Variants in TSPAN12 observed in about 807,000 individuals in gnomAD.
TSPAN12 encodes tetraspanin-12.
A neutral mutation model predicts 39.2 loss-of-function variants in TSPAN12; 19 were observed. That is an observed-to-expected ratio of 0.49 (90% CI 0.34 to 0.71). The LOEUF (loss-of-function observed/expected upper bound fraction) is 0.71. TSPAN12 is among the 30% of genes least tolerant of loss of function. TSPAN12 has a pLI of 0.01. For synonymous variants in TSPAN12, 119 were observed against 124.8 expected, an observed-to-expected ratio of 0.95 and a Z score of 0.31; for missense variants, 314 against 359.9, an observed-to-expected ratio of 0.87 and a Z score of 1.03.
intron 4 of TSPAN12, among the ~76,000 whole-genome samples, chr7:120,820,455 C>T (rs537794883): frequency 2.6e-5 from 4 of 152,216 alleles, no homozygotes; most frequent in African/African-American, 9.6e-5. Context: ...CCTCTCTTTC[C>T]GTACATAGCC....
intron 4 of TSPAN12, among the ~76,000 whole-genome samples, chr7:120,832,785 GA>G (rs906112476): frequency 3.3e-5 from 5 of 152,116 alleles, no homozygotes; most frequent in Admixed American, 3.3e-4. Flanking sequence ...AAGGAAAGGA[GA>G]AACTGCTTGA....
At chr7:120,856,231 A>G (rs1037522170) in intron 2 of TSPAN12, among the ~76,000 whole-genome samples, 1 of 152,182 alleles carries the variant, frequency 6.6e-6, no homozygotes, top group Non-Finnish European at 1.5e-5. Context: ...GTGATAGGTT[A>G]TCTGGGTGTG....
intron 4 of TSPAN12, among the ~76,000 whole-genome samples, chr7:120,834,743 GC>G (rs1794446570): frequency 6.6e-6 from 1 of 152,104 alleles, no homozygotes; most frequent in Non-Finnish European, 1.5e-5. Context: ...AATGTATTCT[GC>G]TTGTTTAAAT....
At chr7:120,798,211 C>T (rs1793669569) in intron 7 of TSPAN12, among the ~76,000 whole-genome samples, 1 of 152,080 alleles carries the variant, frequency 6.6e-6, no homozygotes, top group African/African-American at 2.4e-5. Flanking sequence ...AGTTCAAGTC[C>T]TGATTCGATC....
At chr7:120,810,777 A>G (rs897917338) in intron 5 of TSPAN12, among the ~76,000 whole-genome samples, 2 of 152,202 alleles carry the variant, frequency 1.3e-5, no homozygotes, top group African/African-American at 2.4e-5. Context: ...CAATGTATAG[A>G]TTTTTGTGAT....
intron 5 of TSPAN12, among the ~76,000 whole-genome samples, chr7:120,812,957 T>C (rs899334680): frequency 3.9e-5 from 6 of 152,198 alleles, no homozygotes; most frequent in Non-Finnish European, 8.8e-5. Flanking sequence ...ATATATCAAT[T>C]TTTTTAAACT....
chr7:120,804,366 A>C (rs1348287092), intron 7 of TSPAN12, among the ~76,000 whole-genome samples: 1 of 152,150 alleles, frequency 6.6e-6, no homozygotes, highest in Non-Finnish European at 1.5e-5. Flanking sequence ...GATGATTCCT[A>C]CTACAGACAC....
At chr7:120,828,655 CTTTTTTTTTT>C (rs752697203) in intron 4 of TSPAN12, among the ~76,000 whole-genome samples, 4 of 125,482 alleles carry the variant, frequency 3.2e-5, no homozygotes, top group East Asian at 5.1e-4. Context: ...TTTCTTTCTC[CTTTTTTTTTT>C]TTTTTTTTTT....
rs964167833 is a variant in TSPAN12 at position 120,838,970 on chromosome 7, A to G, written c.150-58T>C. On this transcript the variant is annotated intron_variant, in intron 3 of 7. Transcript: ENST00000222747. ...AATATAATCAAAATGCACCCAAGAC[A>G]TAGCAGAAGACACAACTGTGATTTG... 9.1e-5 allele frequency: 141 copies of G among 1,550,272 alleles called. 2 individuals are homozygous for G. The Middle Eastern group carries it at 4.4e-3, about 48-fold the overall frequency.
intron 2 of TSPAN12, among the ~76,000 whole-genome samples, chr7:120,855,527 T>C (rs1794854752): frequency 6.6e-6 from 1 of 152,194 alleles, no homozygotes; most frequent in Non-Finnish European, 1.5e-5. Flanking sequence ...AATCAAGCTT[T>C]TAAGAAGTAT....
At chr7:120,810,089 T>C (rs1040007601) in intron 6 of TSPAN12, among the ~76,000 whole-genome samples, 1 of 152,138 alleles carries the variant, frequency 6.6e-6, no homozygotes, top group Non-Finnish European at 1.5e-5. Context: ...TCATTTTTTT[T>C]AAAACTAAAA....
chr7:120,853,333 C>G (rs1282578669), intron 2 of TSPAN12, among the ~76,000 whole-genome samples: 1 of 151,614 alleles, frequency 6.6e-6, no homozygotes, highest in Non-Finnish European at 1.5e-5. Flanking sequence ...ACCTCATTAA[C>G]CACCTGCCTT....
chr7:120,838,648 C>T (rs1430417025), intron 4 of TSPAN12, 129 bp downstream of exon 4: 10 of 948,414 alleles, frequency 1.1e-5, no homozygotes, highest in Admixed American at 4.3e-5. Context: ...TCTTGTGAAA[C>T]GAAAGCGTCC....
chr7:120,841,880 T>C (rs1176015901), intron 2 of TSPAN12, among the ~76,000 whole-genome samples: 2 of 152,290 alleles, frequency 1.3e-5, no homozygotes, highest in Non-Finnish European at 2.9e-5. Context: ...GGTACATGTT[T>C]TAAATTTTTT....
chr7:120,818,225 T>C (rs1279035870), intron 4 of TSPAN12, among the ~76,000 whole-genome samples: 2 of 152,092 alleles, frequency 1.3e-5, no homozygotes, highest in Non-Finnish European at 1.5e-5. Context: ...GACGTTATGA[T>C]GTGCCAAGAA....
chr7:120,808,008 GACTTC>G lies in TSPAN12; in HGVS notation c.469-1321_469-1317del, dbSNP rs112702737. Among the ~76,000 whole-genome samples the G allele has an allele frequency of 1.5e-3, 222 of 152,070 alleles. 1 individual carries two copies. Among genetic ancestry groups the G allele is most frequent in the African/African-American group, 5.2e-3 (214 of 41,520 alleles). ...CCTTAAATAATATATGTAGTATAAA[GACTTC>G]ACTTCATAAAAATCATAAACAAGGA... is the stretch of plus-strand genomic sequence containing the variant. On this transcript the variant is annotated intron_variant, in intron 6 of 7. Transcript: ENST00000222747.
intron 2 of TSPAN12, among the ~76,000 whole-genome samples, chr7:120,845,200 T>C (rs1480139437): frequency 6.6e-6 from 1 of 152,144 alleles, no homozygotes; most frequent in Non-Finnish European, 1.5e-5. Context: ...AGCAGGGCCC[T>C]GGGCCCAGTC....
At chr7:120,806,833 T>C in intron 6 of TSPAN12, 141 bp from the exon 7 acceptor site, 2 of 1,062,542 alleles carry the variant, frequency 1.9e-6, no homozygotes, top group South Asian at 1.4e-5. Flanking sequence ...CAGTCTATGT[T>C]GATGATAGAA....
chr7:120,857,624 C>G (rs920801220), intron 1 of TSPAN12, among the ~76,000 whole-genome samples, 196 bp downstream of exon 1: 2 of 152,080 alleles, frequency 1.3e-5, no homozygotes, highest in Non-Finnish European at 2.9e-5. Flanking sequence ...CAAAGCCGCC[C>G]GCGGAGCACA....
Sources: gnomAD v4.1 joint callset for allele counts (sites outside exome capture counted in the v4.1 genomes callset) on GRCh38, gnomAD v4.1.1 for gene constraint, MANE v1.5 for transcripts, NCBI Gene and HGNC (gene_info 2026-07-23, HGNC 2026-07-21) for gene names.